RARB: variants seen among roughly 807,000 people sequenced by gnomAD.
RARB encodes the protein retinoic acid receptor beta, also known as HBV-activated protein.
RARB carries 17 observed loss-of-function variants against 51.9 expected under a neutral mutation model. That is an observed-to-expected ratio of 0.33 (90% CI 0.22 to 0.49). The LOEUF (loss-of-function observed/expected upper bound fraction) is 0.49, where lower values mean the gene tolerates loss of function less well. Among genes scored for constraint, RARB ranks in the 20% least tolerant of loss-of-function variants. The pLI is 0.99. For missense variants in RARB, 369 were observed against 550.8 expected (o/e 0.67, Z 3.30); for synonymous variants, 215 against 195.4 (o/e 1.10, Z -0.84).
chr3:25,489,759 T>C (rs1696637962), intron 2 of RARB, among the ~76,000 whole-genome samples: 1 of 152,156 alleles, frequency 6.6e-6, no homozygotes, highest in Non-Finnish European at 1.5e-5. Context: ...CTAGGGCCTG[T>C]GGAAAGGCAC....
intron 4 of RARB, among the ~76,000 whole-genome samples, chr3:25,574,790 A>G (rs1700856694): frequency 6.6e-6 from 1 of 152,182 alleles, no homozygotes; most frequent in Admixed American, 6.5e-5. Context: ...AGCACTTGTC[A>G]TGGGTGGACT....
chr3:24,938,903 C>G (rs1695599633), intron 2 of RARB, among the ~76,000 whole-genome samples: 1 of 152,008 alleles, frequency 6.6e-6, no homozygotes, highest in South Asian at 2.1e-4. Flanking sequence ...AAGTTTTATT[C>G]CTTTTTAAGG....
chr3:25,373,945 T>C (rs1274523320), intron 5 of RARB, among the ~76,000 whole-genome samples: 3 of 152,162 alleles, frequency 2.0e-5, no homozygotes, highest in African/African-American at 7.2e-5. Context: ...ATAGAGTACA[T>C]GGTTGGGGAA....
At chr3:25,057,267 G>A (rs1349096456) in intron 2 of RARB, among the ~76,000 whole-genome samples, 1 of 151,986 alleles carries the variant, frequency 6.6e-6, no homozygotes, top group Admixed American at 6.6e-5. Flanking sequence ...TTTGCAATAA[G>A]CATTCTTGTG....
Position 25,072,801 on chromosome 3 carries a change from T to C in RARB, c.-328+12625T>C, listed in dbSNP as rs901815016. On this transcript the variant is annotated intron_variant, in intron 3 of 11. Transcript: ENST00000383772. ...TCGGCTCACTGCAAGCTCCGCCTCC[T>C]GGGTTCACGCCATTCTCCTGCCTCA... Among the ~76,000 whole-genome samples, 35 of 152,040 alleles carry C rather than the reference T, an allele frequency of 2.3e-4. No individual in the cohort carries two copies. The East Asian group carries it at 4.1e-3, about 18-fold the overall frequency.
intron 2 of RARB, among the ~76,000 whole-genome samples, chr3:24,925,255 T>C (rs1303617230): frequency 6.6e-6 from 1 of 152,122 alleles, no homozygotes; most frequent in African/African-American, 2.4e-5. Flanking sequence ...ATACTAGTTA[T>C]CACATACAAA....
intron 2 of RARB, among the ~76,000 whole-genome samples, chr3:24,981,515 C>A (rs1231549335): frequency 6.6e-6 from 1 of 152,184 alleles, no homozygotes; most frequent in Non-Finnish European, 1.5e-5. Flanking sequence ...CCCCACCACA[C>A]TTCAGTGTCC....
At chr3:25,521,279 C>T (rs979964531) in intron 3 of RARB, among the ~76,000 whole-genome samples, 8 of 152,174 alleles carry the variant, frequency 5.3e-5, no homozygotes, top group African/African-American at 1.2e-4. Context: ...TCAAACTTTG[C>T]GCATCTAAAA....
chr3:24,881,880 T>G (rs947083991), intron 2 of RARB, among the ~76,000 whole-genome samples: 4 of 152,174 alleles, frequency 2.6e-5, no homozygotes, highest in Non-Finnish European at 5.9e-5. Flanking sequence ...CAGCAGAGTT[T>G]TTGAATGAAT....
At chr3:25,303,216 C>T (rs537881395) in intron 5 of RARB, among the ~76,000 whole-genome samples, 22 of 152,066 alleles carry the variant, frequency 1.4e-4, no homozygotes, top group Non-Finnish European at 2.9e-4. Context: ...TGTCTCCATT[C>T]GCAGGTGAGA....
At chr3:24,928,213 T>C (rs188679690) in intron 2 of RARB, among the ~76,000 whole-genome samples, 2 of 152,090 alleles carry the variant, frequency 1.3e-5, no homozygotes, top group Non-Finnish European at 2.9e-5. Context: ...GCTTATGCAG[T>C]ATCATAAATG....
intron 5 of RARB, among the ~76,000 whole-genome samples, chr3:25,321,856 G>A (rs1704579892): frequency 6.7e-6 from 1 of 148,822 alleles, no homozygotes; most frequent in Non-Finnish European, 1.5e-5. Flanking sequence ...TCAATGTGAT[G>A]TTCTCTAAAA....
At chr3:25,157,382 A>G (rs199868199) in intron 4 of RARB, among the ~76,000 whole-genome samples, 1,955 of 101,290 alleles carry the variant, frequency 0.019, 36 homozygotes, top group East Asian at 0.061. Flanking sequence ...GTGTGTGTGT[A>G]TATATATGGT....
chr3:24,994,170 A>AT (rs1241535772), intron 2 of RARB, among the ~76,000 whole-genome samples: 1 of 151,930 alleles, frequency 6.6e-6, no homozygotes, highest in Non-Finnish European at 1.5e-5. Flanking sequence ...AGCATTTGTT[A>AT]TTTTTTGTCT....
chr3:24,877,764 T>C (rs1208907814), intron 2 of RARB, among the ~76,000 whole-genome samples: 9 of 151,974 alleles, frequency 5.9e-5, no homozygotes, highest in Admixed American at 2.6e-4. Context: ...GACTGACAGG[T>C]AGTGGCAAGT....
intron 5 of RARB, among the ~76,000 whole-genome samples, chr3:25,331,206 A>T (rs1315422143): frequency 2.0e-5 from 3 of 152,206 alleles, no homozygotes; most frequent in Non-Finnish European, 4.4e-5. Flanking sequence ...CTCCACCCCA[A>T]ATCAACAGAA....
chr3:25,193,118 G>A (rs2074462357), intron 5 of RARB, among the ~76,000 whole-genome samples: 1 of 152,054 alleles, frequency 6.6e-6, no homozygotes, highest in Admixed American at 6.6e-5. Context: ...TCCAAGCAAT[G>A]GAAAAGCATG....
intron 3 of RARB, among the ~76,000 whole-genome samples, chr3:25,559,375 A>G (rs1275718444): frequency 6.6e-6 from 1 of 152,182 alleles, no homozygotes; most frequent in Non-Finnish European, 1.5e-5. Context: ...CACAGGCTAA[A>G]CTATCAGCTT....
chr3:25,017,220 C>CCCG (rs1553623773), intron 2 of RARB, among the ~76,000 whole-genome samples: 2 of 149,246 alleles, frequency 1.3e-5, no homozygotes, highest in African/African-American at 5.1e-5. Flanking sequence ...TTTCCCCCCC[C>CCCG]CTTTCAGAAC....
Sources: gnomAD v4.1 joint callset for allele counts (sites outside exome capture counted in the v4.1 genomes callset) on GRCh38, gnomAD v4.1.1 for gene constraint, MANE v1.5 for transcripts, NCBI Gene and HGNC (gene_info 2026-07-23, HGNC 2026-07-21) for gene names.